Variants in BMPR1B observed in about 807,000 individuals in gnomAD.
BMPR1B encodes bone morphogenetic protein receptor type 1B, also known as bone morphogenetic protein receptor type-1B.
BMPR1B carries 12 observed loss-of-function variants against 59.1 expected under a neutral mutation model. That is an observed-to-expected ratio of 0.20 (90% confidence interval 0.13 to 0.33). The LOEUF (loss-of-function observed/expected upper bound fraction) is 0.33. Ranked by LOEUF, BMPR1B falls within the 10% of genes least tolerant of loss-of-function variation. BMPR1B has a pLI of 1.00. For synonymous variants in BMPR1B, 237 were observed against 207.3 expected (o/e 1.14, Z -1.23); for missense variants, 550 against 610.9 (o/e 0.90, Z 1.05).
chr4:95,061,044 T>TAAA (rs545385091), intron 3 of BMPR1B, among the ~76,000 whole-genome samples: 1 of 10,360 alleles, frequency 9.7e-5, no homozygotes, highest in East Asian at 8.6e-4. Flanking sequence ...TGATTGTTGT[T>TAAA]ATCATTAACT....
At chr4:94,947,003 G>A (rs1729743303) in intron 2 of BMPR1B, among the ~76,000 whole-genome samples, 1 of 152,096 alleles carries the variant, frequency 6.6e-6, no homozygotes, top group Non-Finnish European at 1.5e-5. Context: ...AGCGAGCCGA[G>A]ATCACTCTGC....
chr4:95,017,520 C>T (rs941921349), intron 3 of BMPR1B, among the ~76,000 whole-genome samples: 3 of 152,224 alleles, frequency 2.0e-5, no homozygotes, highest in Non-Finnish European at 4.4e-5. Context: ...TCTTGGGCTT[C>T]ACCCCAGTGT....
chr4:94,809,225 G>C (rs1723723295), intron 1 of BMPR1B, among the ~76,000 whole-genome samples: 1 of 152,236 alleles, frequency 6.6e-6, no homozygotes, highest in East Asian at 1.9e-4. Context: ...GATATTTGTT[G>C]CTTGAGTATT....
chr4:94,963,035 A>C (rs1578855882), intron 2 of BMPR1B, among the ~76,000 whole-genome samples: 1 of 152,000 alleles, frequency 6.6e-6, no homozygotes, highest in Non-Finnish European at 1.5e-5. Flanking sequence ...AGAGATGATA[A>C]CTCATTGTGG....
rs753954482 is a variant in BMPR1B, at chr4:95,156,155, C to T, written c.*1482C>T. 1 of 152,080 alleles carries T rather than the reference C, an allele frequency of 6.6e-6. No homozygotes were observed. Among genetic ancestry groups the T allele is most frequent in the African/African-American group, 2.4e-5 (1 of 41,422 alleles). 9.4% of individuals were successfully genotyped at this position (152,080 alleles called of 1,614,324 possible). ...TTTGGAGCAACATGAATAAAATCAT[C>T]GAGAAGGCCAATATTGTTTAGCAAC... On this transcript the variant is annotated 3_prime_UTR_variant, in exon 13 of 13. Coordinates refer to ENST00000515059, the MANE Select transcript of BMPR1B (RefSeq NM_001203.3).
rs758404304 is a variant in BMPR1B, at chr4:95,123,895, T to C, written c.435T>C (p.Phe145=). ...CSLLLVLIIL[F]CYFRYKRQET... Reference sequence around the variant, plus strand: ...TGCTCTTGGTCCTTATCATATTATTTTGTTACTTCCGGTAAGTTTCTAACA... The same window carrying C: ...TGCTCTTGGTCCTTATCATATTATTCTGTTACTTCCGGTAAGTTTCTAACA... Residue 145 remains phenylalanine (F), a synonymous_variant, in exon 7 of 13, where the codon TTT becomes TTC. Coordinates refer to ENST00000515059, the MANE Select transcript of BMPR1B (RefSeq NM_001203.3). The C allele has an allele frequency of 3.5e-5, 56 of 1,609,912 alleles. No homozygotes were observed. The highest frequency in any genetic ancestry group is 4.8e-5 in the Non-Finnish European group (56 of 1,177,398).
rs541542017 is a variant in BMPR1B, at chr4:95,009,048, CTCTG to C, written c.-18+12918_-18+12921del. Among the ~76,000 whole-genome samples the C allele has an allele frequency of 6.1e-4, 93 of 152,040 alleles. 3 individuals are homozygous for C. The highest frequency in any genetic ancestry group is 2.1e-3 in the African/African-American group (89 of 41,478). On this transcript the variant is annotated intron_variant, in intron 3 of 12. Transcript: ENST00000515059. The stretch of plus-strand genomic sequence containing the variant: ...GTAGCCTAATTGACAGAATGAGACT[CTCTG>C]TCTCTCTTAGAAAAAAAAAGAGTGA...
chr4:94,978,700 G>A (rs1731119502), intron 2 of BMPR1B, among the ~76,000 whole-genome samples: 3 of 152,294 alleles, frequency 2.0e-5, no homozygotes, highest in South Asian at 2.1e-4. Context: ...ACCTCTCAAT[G>A]TGAGGAGTCT....
At chr4:94,805,940 CAGG>C (rs1430420004) in intron 1 of BMPR1B, among the ~76,000 whole-genome samples, 1 of 152,052 alleles carries the variant, frequency 6.6e-6, no homozygotes, top group Non-Finnish European at 1.5e-5. Context: ...AACAATATTA[CAGG>C]AGAAGATTTT....
At chr4:94,794,332 T>A (rs1310056501) in intron 1 of BMPR1B, among the ~76,000 whole-genome samples, 3 of 151,764 alleles carry the variant, frequency 2.0e-5, no homozygotes, top group African/African-American at 7.3e-5. Context: ...TAGCTGCAGA[T>A]ATGTGGCGTT....
chr4:94,863,385 C>T (rs535647717), intron 1 of BMPR1B, among the ~76,000 whole-genome samples: 1 of 152,152 alleles, frequency 6.6e-6, no homozygotes, highest in Non-Finnish European at 1.5e-5. Context: ...GCCATTTCAC[C>T]AGCCTGGAAA....
At chr4:94,853,841 A>G (rs1000345078) in intron 1 of BMPR1B, among the ~76,000 whole-genome samples, 1 of 152,206 alleles carries the variant, frequency 6.6e-6, no homozygotes, top group Non-Finnish European at 1.5e-5. Flanking sequence ...ACAAATGAAT[A>G]ATTATAGAAT....
intron 2 of BMPR1B, among the ~76,000 whole-genome samples, chr4:94,986,933 C>T (rs559441857): frequency 7.8e-4 from 117 of 150,764 alleles, no homozygotes; most frequent in Non-Finnish European, 1.5e-3. Flanking sequence ...CCCAGCTACT[C>T]GGGAGGCTGA....
At chr4:95,046,947 C>T (rs148617738) in intron 3 of BMPR1B, among the ~76,000 whole-genome samples, 9 of 152,296 alleles carry the variant, frequency 5.9e-5, no homozygotes, top group Non-Finnish European at 1.0e-4. Flanking sequence ...GAAAGCTGCA[C>T]AAGCAGGTGT....
Position 94,820,694 on chromosome 4 carries a change from C to T in BMPR1B, c.-182-55137C>T, listed in dbSNP as rs556035598. Among the ~76,000 whole-genome samples, 6 of 152,232 alleles carry T rather than the reference C, an allele frequency of 3.9e-5. No homozygotes were observed. The East Asian group carries it at 7.7e-4, about 20-fold the overall frequency. The stretch of plus-strand genomic sequence containing the variant: ...GACTCAGATTGTAAAATAAAAATAA[C>T]GAAGTCAGAAGTGTAGATATATTTT... On this transcript the variant is annotated intron_variant, in intron 1 of 12. Coordinates refer to ENST00000515059, the MANE Select transcript of BMPR1B (RefSeq NM_001203.3).
At chr4:94,948,590 C>T (rs1168142632) in intron 2 of BMPR1B, among the ~76,000 whole-genome samples, 1 of 152,094 alleles carries the variant, frequency 6.6e-6, no homozygotes, top group Non-Finnish European at 1.5e-5. Context: ...CATTGTAGCT[C>T]CTGTTTTTGA....
chr4:94,784,080 C>CT (rs1226239895), intron 1 of BMPR1B, among the ~76,000 whole-genome samples: 3 of 152,192 alleles, frequency 2.0e-5, no homozygotes, highest in African/African-American at 4.8e-5. Context: ...CTGCTTCTTG[C>CT]TCTTAAGACA....
chr4:95,125,641 T>G (rs1732853052), intron 8 of BMPR1B, among the ~76,000 whole-genome samples: 1 of 152,096 alleles, frequency 6.6e-6, no homozygotes, highest in Non-Finnish European at 1.5e-5. Flanking sequence ...TCAATAGTAT[T>G]ACACTTATTT....
At chr4:95,079,331 G>A (rs11934798) in intron 3 of BMPR1B, among the ~76,000 whole-genome samples, 50,253 of 151,980 alleles carry the variant, frequency 0.33, 8,333 homozygotes, top group Middle Eastern at 0.45. Flanking sequence ...ACTTTATCAC[G>A]TGCGTGCCAG....
Sources: gnomAD v4.1 joint callset for allele counts (sites outside exome capture counted in the v4.1 genomes callset) on GRCh38, gnomAD v4.1.1 for gene constraint, MANE v1.5 for transcripts, NCBI Gene and HGNC (gene_info 2026-07-23, HGNC 2026-07-21) for gene names.